The following RASSF8 variants were observed in gnomAD, a reference collection of about 807,000 sequenced individuals.
RASSF8 encodes the protein ras association domain-containing protein 8.
Under a neutral mutation model 48.5 loss-of-function variants are expected in RASSF8, and 22 were observed. The ratio of observed to expected loss-of-function variants is 0.45; its 90% CI spans 0.32 to 0.65. The LOEUF (loss-of-function observed/expected upper bound fraction) is 0.65. RASSF8 is among the 30% of genes least tolerant of loss of function. RASSF8 has a pLI of 0.03. For synonymous variants in RASSF8, 127 were observed against 171.5 expected (o/e 0.74, Z 2.03); for missense variants, 418 against 489.2 (o/e 0.85, Z 1.37).
At chr12:26,044,738 C>T (rs1228593591) in intron 2 of RASSF8, among the ~76,000 whole-genome samples, 1 of 152,196 alleles carries the variant, frequency 6.6e-6, no homozygotes, top group Non-Finnish European at 1.5e-5. Context: ...CAATGCACAT[C>T]TTAAACTTAG....
At chr12:25,979,417 C>T (rs1046576962) in intron 1 of RASSF8, among the ~76,000 whole-genome samples, 3 of 150,834 alleles carry the variant, frequency 2.0e-5, no homozygotes, top group South Asian at 2.1e-4. Flanking sequence ...TTTTTGGCAA[C>T]GAGGAAATCA....
chr12:26,030,661 A>G (rs1281505195), intron 2 of RASSF8, among the ~76,000 whole-genome samples: 4 of 152,046 alleles, frequency 2.6e-5, no homozygotes, highest in Non-Finnish European at 5.9e-5. Flanking sequence ...TTTCTTTTCA[A>G]ACCAAATAGA....
chr12:25,972,398 T>C (rs1051399945), intron 1 of RASSF8, among the ~76,000 whole-genome samples: 1 of 151,902 alleles, frequency 6.6e-6, no homozygotes, highest in Non-Finnish European at 1.5e-5. Context: ...TAAAGCTGAG[T>C]AAGAGGAGAG....
rs960214839 is a variant in RASSF8 at position 25,977,247 on chromosome 12, C to T, written c.-202-17790C>T. Among the ~76,000 whole-genome samples, 20 of 152,280 alleles carry T rather than the reference C, an allele frequency of 1.3e-4. No homozygotes were observed. In the East Asian group the frequency reaches 1.5e-3, roughly 12 times the overall value. On this transcript the variant is annotated intron_variant, in intron 1 of 5. Transcript: ENST00000689635. ...TTCTGACTTATTACCAGTGAATGCA[C>T]GCCAGCCACGTCGTTATGGCATCAC...
intron 3 of RASSF8, among the ~76,000 whole-genome samples, chr12:26,057,346 C>G (rs545069811): frequency 6.6e-6 from 1 of 152,262 alleles, no homozygotes; most frequent in South Asian, 2.1e-4. Flanking sequence ...TCTCATTGTT[C>G]AGTTCCCACC....
At chr12:25,984,224 CTTTTTTTTTT>C (rs57275940) in intron 1 of RASSF8, among the ~76,000 whole-genome samples, 4 of 86,734 alleles carry the variant, frequency 4.6e-5, no homozygotes, top group African/African-American at 1.8e-4. Flanking sequence ...CTACACGTAG[CTTTTTTTTTT>C]TTTTTTTTTT....
intron 2 of RASSF8, among the ~76,000 whole-genome samples, chr12:26,044,549 CATTCTG>C (rs1231356803): frequency 6.6e-6 from 1 of 152,086 alleles, no homozygotes; most frequent in African/African-American, 2.4e-5. Context: ...ATAGCTCATT[CATTCTG>C]ACTGCTGATG....
Position 26,064,801 on chromosome 12 carries a change from C to T in RASSF8, c.407C>T (p.Ala136Val), listed in dbSNP as rs1211026688. The T allele has an allele frequency of 1.2e-6, 2 of 1,614,094 alleles. No homozygotes were observed. The highest frequency in any genetic ancestry group is 1.7e-5 in the Admixed American group (1 of 60,016). The change falls in exon 4 of 6, where the codon GCC (alanine) becomes GTC (valine). Residue 136 changes from alanine to valine, a missense_variant. Physicochemically the swap from Ala to Val is moderately conservative, Grantham distance 64. Transcript: ENST00000689635. ...KRKSLTFTGGAKGLMDIFGKG... is the reference protein window; with the variant it reads ...KRKSLTFTGGVKGLMDIFGKG... ...AAATCACTGACATTTACAGGAGGTG[C>T]CAAAGGATTAATGGACATTTTTGGA...
At position 25,996,325 on chromosome 12, in the gene RASSF8, T is replaced by C. The variant is rs182815098; in HGVS notation, c.-109+1195T>C. ...TGTAGTACAATTGACTAAAGTTCTC[T>C]CTGATTGTCACTTAAATTTTAGTTT... On this transcript the variant is annotated intron_variant, in intron 2 of 5. Transcript: ENST00000689635. 2.8e-3 allele frequency among the ~76,000 whole-genome samples: 425 copies of C among 152,320 alleles called. 1 individual carries two copies. The highest frequency in any genetic ancestry group is 0.011 in the Admixed American group (162 of 15,308).
At chr12:26,038,423 A>G (rs11048391) in intron 2 of RASSF8, among the ~76,000 whole-genome samples, 3,193 of 152,254 alleles carry the variant, frequency 0.021, 44 homozygotes, top group Non-Finnish European at 0.034. Flanking sequence ...CTTCTGAGGC[A>G]TACTGGAAAG....
downstream of RASSF8, among the ~76,000 whole-genome samples, chr12:26,073,730 ACTCT>A (rs1555171917): frequency 4.3e-5 from 6 of 138,158 alleles, no homozygotes; most frequent in Admixed American, 7.3e-5. Flanking sequence ...CAAAAGCGAG[ACTCT>A]CTCTCTCTCT....
At chr12:26,014,364 A>G (rs927828008) in intron 2 of RASSF8, among the ~76,000 whole-genome samples, 1 of 152,170 alleles carries the variant, frequency 6.6e-6, no homozygotes, top group Admixed American at 6.5e-5. Flanking sequence ...GCAAGATAAA[A>G]CGTATGTGCT....
At chr12:26,057,943 T>C (rs1943646057) in intron 3 of RASSF8, among the ~76,000 whole-genome samples, 1 of 152,216 alleles carries the variant, frequency 6.6e-6, no homozygotes, top group Admixed American at 6.5e-5. Flanking sequence ...GAAGTGTCTG[T>C]TCATATCCTT....
intron 2 of RASSF8, chr12:26,011,969 A>G (rs1942537211): frequency 6.6e-6 from 1 of 152,238 alleles, no homozygotes; most frequent in African/African-American, 2.4e-5. Flanking sequence ...CATATCTGTG[A>G]TATATGTATA....
chr12:25,969,710 C>T (rs1298362750), intron 1 of RASSF8, among the ~76,000 whole-genome samples: 2 of 152,074 alleles, frequency 1.3e-5, no homozygotes, highest in African/African-American at 4.8e-5. Flanking sequence ...TCTTTGCTGC[C>T]TTGTCTGCTC....
chr12:26,039,071 C>G (rs1251937785), intron 2 of RASSF8, among the ~76,000 whole-genome samples: 1 of 151,958 alleles, frequency 6.6e-6, no homozygotes, highest in Non-Finnish European at 1.5e-5. Flanking sequence ...ATGGATGTTC[C>G]TTGTGATTGG....
At chr12:26,003,711 G>A (rs1185534390) in intron 2 of RASSF8, among the ~76,000 whole-genome samples, 1 of 151,978 alleles carries the variant, frequency 6.6e-6, no homozygotes, top group African/African-American at 2.4e-5. Flanking sequence ...AATAATTACT[G>A]TGTTCATTTA....
At chr12:25,989,273 A>G (rs1941959309) in intron 1 of RASSF8, among the ~76,000 whole-genome samples, 1 of 152,166 alleles carries the variant, frequency 6.6e-6, no homozygotes, top group African/African-American at 2.4e-5. Context: ...AACCTTTAGT[A>G]TGTCCTGATT....
At chr12:26,010,196 A>G (rs1456334150) in intron 2 of RASSF8, among the ~76,000 whole-genome samples, 1 of 136,026 alleles carries the variant, frequency 7.4e-6, no homozygotes, top group Non-Finnish European at 1.7e-5. Context: ...TCTTTCATTT[A>G]GGAGAGTTAG....
Sources: gnomAD v4.1 joint callset for allele counts (sites outside exome capture counted in the v4.1 genomes callset) on GRCh38, gnomAD v4.1.1 for gene constraint, MANE v1.5 for transcripts, NCBI Gene and HGNC (gene_info 2026-07-23, HGNC 2026-07-21) for gene names.